BCKDHB: variants seen among roughly 807,000 people sequenced by gnomAD.
BCKDHB encodes the protein branched chain keto acid dehydrogenase E1 subunit beta.
In BCKDHB, 41 loss-of-function variants were observed where a neutral mutation model predicts 48.5. The ratio of observed to expected loss-of-function variants is 0.85; its 90% CI spans 0.66 to 1.10. BCKDHB has a LOEUF of 1.10. BCKDHB is among the 50% of genes least tolerant of loss of function. The pLI, the probability that BCKDHB is intolerant of heterozygous loss-of-function variation, is 0.00. For synonymous variants in BCKDHB, 201 were observed against 174.8 expected (o/e 1.15, Z -1.18); for missense variants, 496 against 494.2 (o/e 1.00, Z -0.03).
At chr6:80,443,143 C>T in the BCKDHB span, among the ~76,000 whole-genome samples, 1,211 of 152,172 alleles carry the variant, frequency 8.0e-3, 20 homozygotes, top group African/African-American at 0.027. Flanking sequence ...ATCCCTTTTC[C>T]CACCTCCTCA....
At chr6:80,292,335 T>C (rs1361907731) in intron 9 of BCKDHB, among the ~76,000 whole-genome samples, 1 of 152,208 alleles carries the variant, frequency 6.6e-6, no homozygotes, top group Non-Finnish European at 1.5e-5. Flanking sequence ...CAGTTCCACA[T>C]GGCTGGAGAG....
chr6:80,267,081 A>C (rs1353395912), intron 8 of BCKDHB, among the ~76,000 whole-genome samples: 2 of 152,062 alleles, frequency 1.3e-5, no homozygotes, highest in African/African-American at 4.8e-5. Context: ...TAATATACAA[A>C]GGGCATAATT....
chr6:80,369,052 C>T, the BCKDHB span, among the ~76,000 whole-genome samples: 9 of 151,648 alleles, frequency 5.9e-5, no homozygotes, highest in Admixed American at 2.6e-4. Flanking sequence ...AAAATTCCAT[C>T]GGTGGGCATT....
At chr6:80,445,783 C>T in the BCKDHB span, among the ~76,000 whole-genome samples, 1 of 152,122 alleles carries the variant, frequency 6.6e-6, no homozygotes, top group African/African-American at 2.4e-5. Flanking sequence ...ATTTCATTTT[C>T]CTTTGACAAA....
intron 6 of BCKDHB, among the ~76,000 whole-genome samples, chr6:80,192,910 C>T (rs1481776691): frequency 6.6e-6 from 1 of 151,740 alleles, no homozygotes; most frequent in African/African-American, 2.4e-5. Context: ...CCTCCATCTC[C>T]CAGGTTCAAG....
At chr6:80,133,870 T>C (rs2127733264) in intron 3 of BCKDHB, among the ~76,000 whole-genome samples, 1 of 152,264 alleles carries the variant, frequency 6.6e-6, no homozygotes, top group Non-Finnish European at 1.5e-5. Flanking sequence ...CTCGAACTCC[T>C]GACCTCAGGT....
At chr6:80,217,584 G>A (rs1341463392) in intron 8 of BCKDHB, among the ~76,000 whole-genome samples, 1 of 152,084 alleles carries the variant, frequency 6.6e-6, no homozygotes, top group Non-Finnish European at 1.5e-5. Flanking sequence ...AAAACACACA[G>A]TACAATGGAG....
intron 8 of BCKDHB, among the ~76,000 whole-genome samples, chr6:80,255,659 C>G (rs923978175): frequency 5.3e-5 from 8 of 152,154 alleles, no homozygotes; most frequent in Non-Finnish European, 1.0e-4. Context: ...TTACCACTGT[C>G]TTACAACATA....
At chr6:80,208,419 C>A (rs1205581573) in intron 8 of BCKDHB, among the ~76,000 whole-genome samples, 1 of 151,394 alleles carries the variant, frequency 6.6e-6, no homozygotes, top group Non-Finnish European at 1.5e-5. Flanking sequence ...ATTTCCATCT[C>A]CAGAAAGAAA....
At chr6:80,143,166 T>G (rs1190608193) in intron 3 of BCKDHB, among the ~76,000 whole-genome samples, 3 of 152,148 alleles carry the variant, frequency 2.0e-5, no homozygotes, top group Non-Finnish European at 4.4e-5. Flanking sequence ...TTTCAACTGC[T>G]CCTCTTTCTA....
rs398124572 is a variant in BCKDHB at position 80,106,725 on chromosome 6, TAC to T, written c.33_34del (p.Leu12GlnfsTer8). ...GTTGTAGCGGCGGCTGCCGGCTGGCTACTCAGGCTCAGGGCGGCAGGGGCTGA... is the reference window on the plus strand; with the variant it reads ...GTTGTAGCGGCGGCTGCCGGCTGGCTTCAGGCTCAGGGCGGCAGGGGCTGA... On this transcript the variant is annotated frameshift_variant, in exon 1 of 10. Coordinates refer to ENST00000320393, the MANE Select transcript of BCKDHB (RefSeq NM_183050.4). LOFTEE classifies it high-confidence loss of function. The T allele has an allele frequency of 1.2e-5, 18 of 1,555,604 alleles. No individual in the cohort carries two copies. Among genetic ancestry groups the T allele is most frequent in the Non-Finnish European group, 1.5e-5 (17 of 1,150,670 alleles).
At chr6:80,374,492 A>C in the BCKDHB span, 10 of 747,378 alleles carry the variant, frequency 1.3e-5, no homozygotes, top group Middle Eastern at 3.8e-4. Flanking sequence ...GAGTGTTCTT[A>C]AGGTGAATAC....
intron 8 of BCKDHB, among the ~76,000 whole-genome samples, chr6:80,218,243 A>G (rs1310367255): frequency 6.6e-6 from 1 of 151,938 alleles, no homozygotes; most frequent in East Asian, 1.9e-4. Context: ...TTGTCGGTGG[A>G]GCCTGGGTCA....
the BCKDHB span, chr6:80,374,189 G>A: frequency 3.3e-5 from 24 of 723,620 alleles, no homozygotes; most frequent in African/African-American, 3.8e-4. Flanking sequence ...TGTAGGTCTG[G>A]CAGCACATCT....
chr6:80,193,924 C>T (rs1774018998), intron 6 of BCKDHB, among the ~76,000 whole-genome samples: 2 of 152,106 alleles, frequency 1.3e-5, no homozygotes, highest in African/African-American at 4.8e-5. Context: ...TAAATTTATC[C>T]AGGAAGATAA....
chr6:80,461,297 C>A, the BCKDHB span, among the ~76,000 whole-genome samples: 1 of 152,036 alleles, frequency 6.6e-6, no homozygotes. Flanking sequence ...ATTCTTGAGT[C>A]CACCTTCATT....
intron 8 of BCKDHB, among the ~76,000 whole-genome samples, chr6:80,219,202 CTT>C (rs1217718536): frequency 1.4e-5 from 2 of 143,654 alleles, no homozygotes; most frequent in Admixed American, 7.0e-5. Context: ...GGAATTTACT[CTT>C]TTTTTTTTTT....
chr6:80,398,945 A>G, the BCKDHB span, among the ~76,000 whole-genome samples: 2 of 152,142 alleles, frequency 1.3e-5, no homozygotes, highest in Non-Finnish European at 2.9e-5. Flanking sequence ...TTGGTTCAAC[A>G]TCCACAAATC....
intron 3 of BCKDHB, among the ~76,000 whole-genome samples, chr6:80,142,100 T>C (rs1771246843): frequency 6.6e-6 from 1 of 152,104 alleles, no homozygotes; most frequent in Admixed American, 6.5e-5. Flanking sequence ...TTGGAGTTGC[T>C]TGTTTTTTGA....
Sources: gnomAD v4.1 joint callset for allele counts (sites outside exome capture counted in the v4.1 genomes callset) on GRCh38, gnomAD v4.1.1 for gene constraint, MANE v1.5 for transcripts, NCBI Gene and HGNC (gene_info 2026-07-23, HGNC 2026-07-21) for gene names.